SFXN5: variants seen among roughly 807,000 people sequenced by gnomAD.
The protein encoded by SFXN5 is sideroflexin-5.
In SFXN5, 43 loss-of-function variants were observed where a neutral mutation model predicts 50.2. The ratio of observed to expected loss-of-function variants is 0.86; its 90% CI spans 0.67 to 1.11. The LOEUF (loss-of-function observed/expected upper bound fraction) is 1.11. Ranked by LOEUF, SFXN5 falls within the 50% of genes least tolerant of loss-of-function variation. The probability of loss-of-function intolerance (pLI) is 0.00; values close to 1 mark genes in which losing one functional copy is unlikely to be tolerated. For missense variants in SFXN5, 463 were observed against 454.1 expected (o/e 1.02, Z -0.18); for synonymous variants, 203 against 185.8 (o/e 1.09, Z -0.75).
rs904240181 is a variant in SFXN5 at position 73,011,350 on chromosome 2, T to C, written c.357+8889A>G. On this transcript the variant is annotated intron_variant, in intron 6 of 13. Coordinates refer to ENST00000272433, the MANE Select transcript of SFXN5 (RefSeq NM_144579.3). The stretch of plus-strand genomic sequence containing the variant: ...GATTACACGTGTGAGCCACCACTCC[T>C]GGCCTCAGTTATTTTAATAAAGGAG... 3.3e-5 allele frequency among the ~76,000 whole-genome samples: 5 copies of C among 152,296 alleles called. No homozygotes were observed. The South Asian group carries it at 6.2e-4, about 19-fold the overall frequency.
intron 12 of SFXN5, among the ~76,000 whole-genome samples, chr2:72,967,768 T>C (rs1430568543): frequency 6.6e-6 from 1 of 152,010 alleles, no homozygotes; most frequent in Non-Finnish European, 1.5e-5. Flanking sequence ...CCCTGCCCCC[T>C]GCCTTCTCCC....
chr2:73,002,553 T>G (rs1465389659), intron 6 of SFXN5, among the ~76,000 whole-genome samples: 1 of 152,202 alleles, frequency 6.6e-6, no homozygotes, highest in Non-Finnish European at 1.5e-5. Flanking sequence ...AAATGGCTCT[T>G]TGGCAAGAAT....
chr2:73,040,869 C>G lies in SFXN5; in HGVS notation c.234G>C (p.Gly78=), dbSNP rs752014005. The G allele has an allele frequency of 6.2e-7, 1 of 1,612,578 alleles. No homozygotes were observed. The highest frequency in any genetic ancestry group is 1.7e-5 in the Admixed American group (1 of 59,868). The change falls in exon 3 of 14, where the codon GGG becomes GGC. Residue 78 remains glycine, a synonymous_variant. Coordinates refer to ENST00000272433, the MANE Select transcript of SFXN5 (RefSeq NM_144579.3). ...ACAGAGTTACCTGTTCATTGGTGAC[C>G]CCCGGGCGCAGGGTCCCATGCTTAT... ...EDYKHGTLRP[G]VTNEQLWSAQ...
rs534152927 is a variant in SFXN5, at chr2:73,064,490, A to G, written c.103-5894T>C. On this transcript the variant is annotated intron_variant, in intron 1 of 13. Transcript: ENST00000272433. ...CCAGGAGCAGCACTAGAAAAAACTC[A>G]CTGTCTCGCCTATAGGAAGTAAATG... 1.2e-3 allele frequency among the ~76,000 whole-genome samples: 182 copies of G among 152,346 alleles called. 1 individual carries two copies. Among genetic ancestry groups the G allele is most frequent in the Non-Finnish European group, 1.9e-3 (132 of 68,040 alleles).
chr2:72,952,495 CTGAGT>C (rs1672644648), intron 13 of SFXN5, among the ~76,000 whole-genome samples: 1 of 152,210 alleles, frequency 6.6e-6, no homozygotes, highest in African/African-American at 2.4e-5. Flanking sequence ...TCAGTAACAG[CTGAGT>C]TAAGTGACAC....
rs1166840907 is a variant in SFXN5, at chr2:72,973,329, C to T, written c.626-1644G>A. ...AACAGGCATGCTCACCTGCCCTAAA[C>T]AGCCGCTCTCTGCCAGGGGCGGTTC... On this transcript the variant is annotated intron_variant, in intron 10 of 13. Coordinates refer to ENST00000272433, the MANE Select transcript of SFXN5 (RefSeq NM_144579.3). This position sits in a 1 kb window ranked among gnomAD's most constrained non-coding sequence, Gnocchi z 5.5. 3 of 169,116 alleles carry T rather than the reference C, an allele frequency of 1.8e-5. No homozygotes were observed. The highest frequency in any genetic ancestry group is 2.9e-5 in the Non-Finnish European group (2 of 68,194). The allele number at this position is 169,116 out of a possible 1,614,324, so 10.5% of individuals were successfully genotyped here.
At chr2:73,030,451 A>G (rs1458343444) in intron 3 of SFXN5, among the ~76,000 whole-genome samples, 1 of 152,108 alleles carries the variant, frequency 6.6e-6, no homozygotes, top group African/African-American at 2.4e-5. Context: ...GCCTCAAGCA[A>G]TCCTCCTACC....
chr2:72,989,553 A>G (rs1672324995), intron 9 of SFXN5, among the ~76,000 whole-genome samples: 1 of 152,016 alleles, frequency 6.6e-6, no homozygotes, highest in Admixed American at 6.6e-5. Context: ...TTGTATGTCC[A>G]CCACTTAGGG....
At chr2:73,022,300 C>T (rs1483372271) in intron 5 of SFXN5, among the ~76,000 whole-genome samples, 1 of 152,128 alleles carries the variant, frequency 6.6e-6, no homozygotes, top group African/African-American at 2.4e-5. Context: ...TGGTTCCACC[C>T]CAACTGCTCA....
At chr2:72,995,676 T>G (rs1673138089) in intron 9 of SFXN5, among the ~76,000 whole-genome samples, 1 of 152,174 alleles carries the variant, frequency 6.6e-6, no homozygotes, top group Non-Finnish European at 1.5e-5. Context: ...TGACACTTGT[T>G]TGCAGGTCAT....
chr2:73,054,720 C>T (rs1681867038), intron 2 of SFXN5, among the ~76,000 whole-genome samples: 1 of 152,184 alleles, frequency 6.6e-6, no homozygotes, highest in African/African-American at 2.4e-5. Flanking sequence ...CACCTCTATC[C>T]TTTAAGTCTC....
chr2:73,071,253 C>T (rs2106087814), intron 1 of SFXN5: 1 of 259,350 alleles, frequency 3.9e-6, no homozygotes, highest in Non-Finnish European at 7.4e-6. Context: ...GGGCGGGCAG[C>T]TGCACAACCC....
chr2:73,040,827 C>G (rs1224694837), intron 3 of SFXN5, 27 bp downstream of exon 3: 1 of 1,584,838 alleles, frequency 6.3e-7, no homozygotes, highest in East Asian at 2.2e-5. Flanking sequence ...TCCCCACTGG[C>G]CATGCTCCCA....
intron 1 of SFXN5, among the ~76,000 whole-genome samples, chr2:73,064,094 C>T (rs1683006721): frequency 6.6e-6 from 1 of 152,228 alleles, no homozygotes; most frequent in African/African-American, 2.4e-5. Context: ...CCCACCTCCA[C>T]CAGCCAGCTC....
At chr2:72,994,877 G>A (rs1204518782) in intron 9 of SFXN5, 2 of 152,408 alleles carry the variant, frequency 1.3e-5, no homozygotes, top group Non-Finnish European at 2.9e-5. Flanking sequence ...TGAGCCCGGA[G>A]TTGGTCATGC....
At chr2:73,060,398 C>A (rs1205253172) in intron 1 of SFXN5, among the ~76,000 whole-genome samples, 1 of 152,070 alleles carries the variant, frequency 6.6e-6, no homozygotes, top group Non-Finnish European at 1.5e-5. Context: ...GAAAACAACA[C>A]AAACCCACAC....
At position 72,968,489 on chromosome 2, in the gene SFXN5, G is replaced by A. The variant is rs1674735765; in HGVS notation, c.786C>T (p.Pro262=). Residue 262 remains proline, a synonymous_variant, in exon 12 of 14, where the codon CCC becomes CCT. Coordinates refer to ENST00000272433, the MANE Select transcript of SFXN5 (RefSeq NM_144579.3). ...TGACGATCGGGGGTAGCACCAGGAT[G>A]GGCATGGGCAGGACCACTCGCGTCA... ...TALTRVVLPM[P]ILVLPPIVMS... 6.2e-7 allele frequency: 1 copy of A among 1,613,240 alleles called. No individual in the cohort carries two copies.
Position 72,950,613 on chromosome 2 carries a change from A to C in SFXN5, c.946-5514T>G, listed in dbSNP as rs1672426130. On this transcript the variant is annotated intron_variant, in intron 13 of 13. Coordinates refer to ENST00000272433, the MANE Select transcript of SFXN5 (RefSeq NM_144579.3). The surrounding 1 kb of genome is among the most constrained non-coding windows in gnomAD (Gnocchi z 4.2). ...TTTCCTCCCCTGTCCACCAAAAACTAAGCATCTCCCTTGAAGACCACCTCT... is the reference window on the plus strand; with the variant it reads ...TTTCCTCCCCTGTCCACCAAAAACTCAGCATCTCCCTTGAAGACCACCTCT... 6.6e-6 allele frequency among the ~76,000 whole-genome samples: 1 copy of C among 152,212 alleles called. No individual in the cohort carries two copies. The highest frequency in any genetic ancestry group is 6.5e-5 in the Admixed American group (1 of 15,288).
rs1671795924 is a variant in SFXN5, at chr2:72,945,160, G to A, written c.946-61C>T. 6.6e-7 allele frequency: 1 copy of A among 1,513,610 alleles called. No individual in the cohort carries two copies. Among genetic ancestry groups the A allele is most frequent in the Non-Finnish European group, 9.1e-7 (1 of 1,097,518 alleles). The allele number at this position is 1,513,610 out of a possible 1,614,324, so 93.8% of individuals were successfully genotyped here. A position where few individuals can be genotyped will look rare whatever the true frequency, so the allele number is the denominator to read the frequency against. ...TGGGAAGGGGCAAATAGTGGGGCTG[G>A]GAGCTGCAGTGAGGACCACCCTGGG... On this transcript the variant is annotated intron_variant, in intron 13 of 13. Coordinates refer to ENST00000272433, the MANE Select transcript of SFXN5 (RefSeq NM_144579.3). The surrounding 1 kb of genome is among the most constrained non-coding windows in gnomAD (Gnocchi z 5.8).
Sources: gnomAD v4.1 joint callset for allele counts (sites outside exome capture counted in the v4.1 genomes callset) on GRCh38, gnomAD v4.1.1 for gene constraint, Gnocchi (gnomAD v3.1) non-coding constraint, MANE v1.5 for transcripts, NCBI Gene and HGNC (gene_info 2026-07-23, HGNC 2026-07-21) for gene names.